The following TTLL3 variants were observed in gnomAD, a reference collection of about 807,000 sequenced individuals.
The protein encoded by TTLL3 is tubulin tyrosine ligase like 3.
In TTLL3, 63 loss-of-function variants were observed where a neutral mutation model predicts 75.2. The observed-to-expected ratio is 0.84, with a 90% CI of 0.68 to 1.03. The LOEUF is 1.03. Among genes scored for constraint, TTLL3 ranks in the 50% least tolerant of loss-of-function variants. The pLI, the probability that TTLL3 is intolerant of heterozygous loss-of-function variation, is 0.00. For synonymous variants in TTLL3, 393 were observed against 418.5 expected (o/e 0.94, Z 0.74); for missense variants, 997 against 1,069.9 (o/e 0.93, Z 0.95).
intron 6 of TTLL3, 89 bp downstream of exon 6, chr3:9,817,848 C>T: frequency 1.3e-6 from 2 of 1,530,100 alleles, no homozygotes; most frequent in African/African-American, 1.4e-5. Context: ...ACAGGCCTCT[C>T]TTCATGCCCT....
At chr3:9,831,586 C>T (rs1040176076) in intron 11 of TTLL3, among the ~76,000 whole-genome samples, 1 of 152,178 alleles carries the variant, frequency 6.6e-6, no homozygotes, top group African/African-American at 2.4e-5. Flanking sequence ...TGTGTTGGCT[C>T]TGTCCAGATT....
At chr3:9,821,722 G>T (rs1011345818) in intron 8 of TTLL3, among the ~76,000 whole-genome samples, 1 of 152,186 alleles carries the variant, frequency 6.6e-6, no homozygotes, top group African/African-American at 2.4e-5. Flanking sequence ...TATCAAGGTG[G>T]CCAAGCGTGG....
Position 9,810,625 on chromosome 3 carries a change from C to T in TTLL3, c.-37C>T, listed in dbSNP as rs1286466719. The T allele has an allele frequency of 1.3e-6, 2 of 1,565,166 alleles. No individual in the cohort carries two copies. Among genetic ancestry groups the T allele is most frequent in the Non-Finnish European group, 1.7e-6 (2 of 1,154,218 alleles). ...CTATTCCGCATCTTTCTGCAGGTTT[C>T]CCGGTCCTCTGGCGAGGATCCTCCA... On this transcript the variant is annotated 5_prime_UTR_variant, in exon 2 of 14. Coordinates refer to ENST00000685419, the MANE Select transcript of TTLL3 (RefSeq NM_001387446.1). The surrounding 1 kb of genome is among the most constrained non-coding windows in gnomAD (Gnocchi z 4.4).
intron 8 of TTLL3, among the ~76,000 whole-genome samples, chr3:9,822,296 T>A (rs2080515780): frequency 6.6e-6 from 1 of 151,582 alleles, no homozygotes; most frequent in Admixed American, 6.6e-5. Flanking sequence ...ATCGAACTCC[T>A]GACCTCGTGA....
At chr3:9,821,342 C>T (rs963535595) in intron 8 of TTLL3, among the ~76,000 whole-genome samples, 2 of 152,178 alleles carry the variant, frequency 1.3e-5, no homozygotes, top group Admixed American at 1.3e-4. Flanking sequence ...GGAGGGAGAA[C>T]AGCCCTGAAG....
chr3:9,817,381 G>A (rs1244647517), intron 5 of TTLL3: 5 of 952,444 alleles, frequency 5.2e-6, no homozygotes, highest in Middle Eastern at 5.3e-4. Context: ...CCGAGATCGC[G>A]CCACTGCACT....
In TTLL3 at chr3:9,813,109, A is replaced by T; in HGVS notation, c.215A>T (p.Asp72Val). ...SAMGDSDTTE[D>V]EDEDEDEEFQ... is the part of the protein sequence containing the mutation. ...ATGGGTGACAGTGACACCACTGAGG[A>T]TGGTGAGTGGTTCCTTCCCTTTCCA... Residue 72 changes from aspartate (D) to valine (V), a missense_variant and splice_region_variant, in exon 3 of 14, where the codon GAT becomes GTT. Transcript: ENST00000685419. 1 of 1,584,042 alleles carries T rather than the reference A, an allele frequency of 6.3e-7. No individual in the cohort carries two copies. The highest frequency in any genetic ancestry group is 2.2e-5 in the East Asian group (1 of 44,494).
In TTLL3 at chr3:9,814,009, T is replaced by G. The variant is rs530071725; in HGVS notation, c.315+664T>G. On this transcript the variant is annotated intron_variant, in intron 4 of 13. Coordinates refer to ENST00000685419, the MANE Select transcript of TTLL3 (RefSeq NM_001387446.1). ...CAGGAAGGAAGGTCTTAAAAAGCTCTGGAAGAGACGGAGCGGGGTGGCTTA... is the reference window on the plus strand; with the variant it reads ...CAGGAAGGAAGGTCTTAAAAAGCTCGGGAAGAGACGGAGCGGGGTGGCTTA... Among the ~76,000 whole-genome samples the G allele has an allele frequency of 2.2e-3, 332 of 152,154 alleles. 2 individuals carry two copies. The highest frequency in any genetic ancestry group is 3.9e-3 in the Non-Finnish European group (264 of 67,966).
intron 12 of TTLL3, among the ~76,000 whole-genome samples, chr3:9,833,734 A>G (rs1304967884): frequency 6.6e-6 from 1 of 152,026 alleles, no homozygotes; most frequent in African/African-American, 2.4e-5. Flanking sequence ...GGTCCAGGCT[A>G]CTCGCGAGGC....
In TTLL3 at chr3:9,817,638, T is replaced by A; in HGVS notation, c.445-7T>A. The A allele has an allele frequency of 6.2e-7, 1 of 1,613,992 alleles. No homozygotes were observed. Among genetic ancestry groups the A allele is most frequent in the Non-Finnish European group, 8.5e-7 (1 of 1,180,018 alleles). ...CTGCCCTGCCCTCTCAGTGGCTAAC[T>A]CCGTAGGTGGGTCTATGTCTCAATC... On this transcript the variant is annotated splice_region_variant and splice_polypyrimidine_tract_variant and intron_variant, in intron 5 of 13. Transcript: ENST00000685419.
At chr3:9,831,564 T>G (rs1010414387) in intron 11 of TTLL3, among the ~76,000 whole-genome samples, 1 of 152,204 alleles carries the variant, frequency 6.6e-6, no homozygotes, top group Non-Finnish European at 1.5e-5. Flanking sequence ...AATTAATTTT[T>G]CTGTAAGGTG....
chr3:9,823,731 CCTT>C (rs1169682930), intron 8 of TTLL3, among the ~76,000 whole-genome samples: 4 of 152,080 alleles, frequency 2.6e-5, no homozygotes, highest in African/African-American at 7.2e-5. Flanking sequence ...GCTGCCTCCT[CCTT>C]AAAAAAGAGA....
chr3:9,834,414 C>T (rs1575421612), intron 12 of TTLL3: 1 of 658,730 alleles, frequency 1.5e-6, no homozygotes, highest in Non-Finnish European at 2.8e-6. Flanking sequence ...GTGCTATTAT[C>T]CCCATTTTCC....
At chr3:9,821,952 G>A (rs565416481) in intron 8 of TTLL3, among the ~76,000 whole-genome samples, 3 of 146,620 alleles carry the variant, frequency 2.0e-5, no homozygotes, top group African/African-American at 5.1e-5. Context: ...GCAGTGAGCC[G>A]AGATCGCGCC....
At chr3:9,828,704 T>C (rs1439159244) in intron 10 of TTLL3, 4 of 539,834 alleles carry the variant, frequency 7.4e-6, no homozygotes, top group African/African-American at 3.8e-5. Context: ...ACTGAGACTA[T>C]GCACAAAGCA....
At chr3:9,812,027 C>T (rs1453869858) in intron 2 of TTLL3, among the ~76,000 whole-genome samples, 1 of 152,238 alleles carries the variant, frequency 6.6e-6, no homozygotes, top group African/African-American at 2.4e-5. Context: ...CTTAATTTCT[C>T]TATGCCTCTG....
Position 9,810,402 on chromosome 3 carries a change from C to A in TTLL3, c.-42+8C>A. 7.1e-7 allele frequency: 1 copy of A among 1,413,568 alleles called. No homozygotes were observed. Among genetic ancestry groups the A allele is most frequent in the Non-Finnish European group, 9.2e-7 (1 of 1,090,726 alleles). The allele number at this position is 1,413,568 out of a possible 1,614,324, so 87.6% of individuals were successfully genotyped here. On this transcript the variant is annotated splice_region_variant and intron_variant, in intron 1 of 13. Transcript: ENST00000685419. This position sits in a 1 kb window ranked among gnomAD's most constrained non-coding sequence, Gnocchi z 4.4. ...ACCCCTCTCCGCAGGATGGTGAGGC[C>A]CGTGCGGCCCGCTCGCTCTGGCCTA...
At position 9,820,722 on chromosome 3, in the gene TTLL3, C is replaced by T. The variant is rs779691492; in HGVS notation, c.835C>T (p.Arg279Cys). 1.2e-5 allele frequency: 20 copies of T among 1,613,952 alleles called. No homozygotes were observed. Among genetic ancestry groups the T allele is most frequent in the East Asian group, 2.2e-5 (1 of 44,890 alleles). ...TPEGWSLFLQ[R>C]YYQVVHEGAE... is the part of the protein sequence containing the mutation. ...CGAGGGCTGGTCCCTCTTCCTCCAG[C>T]GCTACTACCAAGTGGTCCAGTGAGT... The change falls in exon 8 of 14, where the codon CGC (arginine) becomes TGC (cysteine). Residue 279 changes from arginine (R) to cysteine (C), a missense_variant. Transcript: ENST00000685419.
chr3:9,811,347 T>C (rs1014410728), intron 2 of TTLL3, among the ~76,000 whole-genome samples: 2 of 152,140 alleles, frequency 1.3e-5, no homozygotes, highest in African/African-American at 4.8e-5. Context: ...AAACCTGTCG[T>C]CCTCCCCAGT....
Sources: allele counts gnomAD v4.1 joint callset (sites outside exome capture counted in the v4.1 genomes callset), GRCh38; gene constraint gnomAD v4.1.1; non-coding constraint Gnocchi (gnomAD v3.1); transcripts MANE v1.5; gene names NCBI Gene and HGNC (gene_info 2026-07-23, HGNC 2026-07-21).